Variants in MAP3K4 observed in about 807,000 individuals in gnomAD.
MAP3K4 encodes mitogen-activated protein kinase kinase kinase 4, also known as MAP three kinase 1.
In MAP3K4, 67 loss-of-function variants were observed where a neutral mutation model predicts 185.6. The observed-to-expected ratio is 0.36, with a 90% CI of 0.30 to 0.44. MAP3K4 has a LOEUF of 0.44. Among genes scored for constraint, MAP3K4 ranks in the 20% least tolerant of loss-of-function variants. MAP3K4 has a pLI of 1.00. For missense variants in MAP3K4, 1,551 were observed against 1,995.1 expected (o/e 0.78, Z 4.24); for synonymous variants, 702 against 710.4 (o/e 0.99, Z 0.19).
Position 161,054,445 on chromosome 6 carries a change from G to A in MAP3K4, c.1707+4466G>A, listed in dbSNP as rs912728797. Among the ~76,000 whole-genome samples, 4 of 152,138 alleles carry A rather than the reference G, an allele frequency of 2.6e-5. No individual in the cohort carries two copies. Among genetic ancestry groups the A allele is most frequent in the South Asian group, 2.1e-4 (1 of 4,828 alleles). On this transcript the variant is annotated intron_variant, in intron 3 of 26. Coordinates refer to ENST00000392142, the MANE Select transcript of MAP3K4 (RefSeq NM_005922.4). The surrounding 1 kb of genome is among the most constrained non-coding windows in gnomAD (Gnocchi z 4.2). ...GCTGGGATGATAGGTGTGAGCCACC[G>A]CGCCCGGCCCAAACTAATTTTTCTC...
rs546307308 is a variant in MAP3K4 at position 161,067,803 on chromosome 6, G to A, written c.1708-2805G>A. 2.9e-4 allele frequency among the ~76,000 whole-genome samples: 44 copies of A among 152,226 alleles called. No individual in the cohort carries two copies. The highest frequency in any genetic ancestry group is 4.7e-4 in the Non-Finnish European group (32 of 68,020). On this transcript the variant is annotated intron_variant, in intron 3 of 26. Transcript: ENST00000392142. The surrounding 1 kb of genome is among the most constrained non-coding windows in gnomAD (Gnocchi z 6.3). The stretch of plus-strand genomic sequence containing the variant: ...TATACTAAGAAGAAGGCATATCCTC[G>A]TTTCTGTCATTAAGTGTATCTCAGT...
intron 1 of MAP3K4, among the ~76,000 whole-genome samples, chr6:161,011,071 G>A (rs543669693): frequency 4.0e-4 from 61 of 152,294 alleles, no homozygotes; most frequent in African/African-American, 1.4e-3. Context: ...AGAAAGAAGG[G>A]TGGGAAGGAG....
intron 3 of MAP3K4, among the ~76,000 whole-genome samples, chr6:161,066,734 C>T (rs1034180849): frequency 2.6e-5 from 4 of 152,162 alleles, no homozygotes; most frequent in African/African-American, 9.7e-5. Flanking sequence ...CATGTATTGA[C>T]ATACCAAGCT....
rs1173714146 is a variant in MAP3K4, at chr6:161,071,309, G to T, written c.1950+459G>T. ...GATTTCTTCGTTGTTGTTCATTCTG[G>T]GTGGGATCTTACGGATGTTTGATAT... On this transcript the variant is annotated intron_variant, in intron 4 of 26. Coordinates refer to ENST00000392142, the MANE Select transcript of MAP3K4 (RefSeq NM_005922.4). This position sits in a 1 kb window ranked among gnomAD's most constrained non-coding sequence, Gnocchi z 4.6. 6.6e-6 allele frequency among the ~76,000 whole-genome samples: 1 copy of T among 152,140 alleles called. No homozygotes were observed. The highest frequency in any genetic ancestry group is 1.5e-5 in the Non-Finnish European group (1 of 68,018).
At chr6:161,050,524 C>T (rs779804848) in intron 3 of MAP3K4, among the ~76,000 whole-genome samples, 1 of 152,086 alleles carries the variant, frequency 6.6e-6, no homozygotes, top group Non-Finnish European at 1.5e-5. Flanking sequence ...TTAAAGTGTT[C>T]GGTGCAGGTG....
In MAP3K4 at chr6:161,096,567, A is replaced by T. The variant is rs892897289; in HGVS notation, c.3428-513A>T. On this transcript the variant is annotated intron_variant, in intron 15 of 26. Coordinates refer to ENST00000392142, the MANE Select transcript of MAP3K4 (RefSeq NM_005922.4). This position sits in a 1 kb window ranked among gnomAD's most constrained non-coding sequence, Gnocchi z 4.9. ...TATTTACCTATTACCAGAATAAAAG[A>T]AAAAGAGAAGAAAACATGCTCTTGA... The T allele has an allele frequency of 1.3e-5, 2 of 152,214 alleles. No individual in the cohort carries two copies. Among genetic ancestry groups the T allele is most frequent in the Non-Finnish European group, 2.9e-5 (2 of 68,042 alleles). The allele number at this position is 152,214 out of a possible 1,614,324, so 9.4% of individuals were successfully genotyped here. A position where few individuals can be genotyped will look rare whatever the true frequency, so the allele number is the denominator to read the frequency against.
intron 1 of MAP3K4, among the ~76,000 whole-genome samples, chr6:161,026,733 CTT>C (rs553664182): frequency 1.4e-4 from 13 of 96,094 alleles, no homozygotes; most frequent in South Asian, 3.3e-4. Flanking sequence ...GTTCTCTCTC[CTT>C]TTTTTTTTTT....
Position 161,034,129 on chromosome 6 carries a change from G to A in MAP3K4, c.153-130G>A. 1 of 622,834 alleles carries A rather than the reference G, an allele frequency of 1.6e-6. No homozygotes were observed. The highest frequency in any genetic ancestry group is 2.6e-6 in the Non-Finnish European group (1 of 383,496). 38.6% of individuals were successfully genotyped at this position (622,834 alleles called of 1,614,324 possible). A position where few individuals can be genotyped will look rare whatever the true frequency, so the allele number is the denominator to read the frequency against. On this transcript the variant is annotated intron_variant, in intron 1 of 26. Transcript: ENST00000392142. The surrounding 1 kb of genome is among the most constrained non-coding windows in gnomAD (Gnocchi z 4.4). ...TTTGAGTTTTCACAGGTAAAAATGA[G>A]GAGGAGCACAGTGCTGAAGAGATTT...
rs565598482 is a variant in MAP3K4 at position 161,087,718 on chromosome 6, A to G, written c.2587A>G (p.Met863Val). The change falls in exon 10 of 27, where the codon ATG (methionine) becomes GTG (valine). Residue 863 changes from methionine to valine, a missense_variant. Around this residue, in one of 16 missense-constraint regions of MAP3K4, gnomAD observed 261 missense variants for 306.5 expected, o/e 0.85. Transcript: ENST00000392142. This position sits in a 1 kb window ranked among gnomAD's most constrained non-coding sequence, Gnocchi z 4.9. Reference protein sequence around the residue: ...VQIPGLENLQMFVPDTLAEEK... With the variant: ...VQIPGLENLQVFVPDTLAEEK... ...AATTCCTGGGTTAGAAAACTTGCAA[A>G]TGTTTGTTCCAGACACTCTTGCTGA... 1 of 1,614,138 alleles carries G rather than the reference A, an allele frequency of 6.2e-7. No individual in the cohort carries two copies. The highest frequency in any genetic ancestry group is 2.2e-5 in the East Asian group (1 of 44,890).
At chr6:161,092,852 A>G (rs1349209019) in intron 13 of MAP3K4, 126 bp from the exon 14 acceptor site, 4 of 526,364 alleles carry the variant, frequency 7.6e-6, no homozygotes, top group Non-Finnish European at 1.4e-5. Flanking sequence ...ACTGAACCCA[A>G]GCAAAAAAAA....
intron 17 of MAP3K4, among the ~76,000 whole-genome samples, chr6:161,099,274 A>G (rs1469835898): frequency 1.3e-5 from 2 of 152,248 alleles, no homozygotes; most frequent in Non-Finnish European, 2.9e-5. Context: ...AAAATAGTAG[A>G]GTTAACAGGA....
In MAP3K4 at chr6:161,097,143, C is replaced by T; in HGVS notation, c.3491C>T (p.Pro1164Leu). Residue 1164 changes from proline to leucine, a missense_variant, in exon 16 of 27, where the codon CCA becomes CTA. Transcript: ENST00000392142. The surrounding 1 kb of genome is among the most constrained non-coding windows in gnomAD (Gnocchi z 4.9). ...VPRCHSDPPN[P>L]HLIIPTPEGF... ...CGATGCCATAGTGACCCTCCTAACC[C>T]ACACCTCATTATCCCCACTCCAGAG... 6.2e-7 allele frequency: 1 copy of T among 1,614,152 alleles called. No individual in the cohort carries two copies. Among genetic ancestry groups the T allele is most frequent in the Non-Finnish European group, 8.5e-7 (1 of 1,180,010 alleles).
chr6:161,115,100 T>C lies in MAP3K4; in HGVS notation c.4627-23T>C, dbSNP rs763034947. On this transcript the variant is annotated intron_variant, in intron 25 of 26. Coordinates refer to ENST00000392142, the MANE Select transcript of MAP3K4 (RefSeq NM_005922.4). The surrounding 1 kb of genome is among the most constrained non-coding windows in gnomAD (Gnocchi z 6.0). ...GTGGCTGTGTAATATTAAAATCTGA[T>C]TTTTTAAAAACATCTTTTTTAGAGG... The C allele has an allele frequency of 1.5e-5, 24 of 1,589,940 alleles. No individual in the cohort carries two copies. The highest frequency in any genetic ancestry group is 1.8e-5 in the Admixed American group (1 of 56,882).
chr6:161,048,263 C>T lies in MAP3K4; in HGVS notation c.344-353C>T, dbSNP rs1783829124. On this transcript the variant is annotated intron_variant, in intron 2 of 26. Transcript: ENST00000392142. This position sits in a 1 kb window ranked among gnomAD's most constrained non-coding sequence, Gnocchi z 4.7. ...TCATCCAGGTGTCCGTCAGATCTCCCATGCTGTTTCTTCCTCCTTAAATTG... is the reference window on the plus strand; with the variant it reads ...TCATCCAGGTGTCCGTCAGATCTCCTATGCTGTTTCTTCCTCCTTAAATTG... 1 of 547,136 alleles carries T rather than the reference C, an allele frequency of 1.8e-6. No individual in the cohort carries two copies. Among genetic ancestry groups the T allele is most frequent in the Admixed American group, 1.9e-5 (1 of 51,832 alleles). The allele number at this position is 547,136 out of a possible 1,614,324, so 33.9% of individuals were successfully genotyped here.
chr6:160,995,807 A>G (rs1780960407), intron 1 of MAP3K4, among the ~76,000 whole-genome samples: 1 of 152,218 alleles, frequency 6.6e-6, no homozygotes, highest in African/African-American at 2.4e-5. Flanking sequence ...TTGGATCTGT[A>G]CACCTAAAAC....
At position 161,073,635 on chromosome 6, in the gene MAP3K4, TTTTC is replaced by T. The variant is rs756789748; in HGVS notation, c.2097+35_2097+38del. 1.0e-5 allele frequency: 16 copies of T among 1,587,418 alleles called. No homozygotes were observed. The highest frequency in any genetic ancestry group is 2.3e-5 in the South Asian group (2 of 86,968). ...ATGGTCAGAAGCAGTGGGGAGGAAT[TTTTC>T]TTTCTTTCTTTGTTTCTTTTTTTAA... On this transcript the variant is annotated intron_variant, in intron 5 of 26. Coordinates refer to ENST00000392142, the MANE Select transcript of MAP3K4 (RefSeq NM_005922.4). The surrounding 1 kb of genome is among the most constrained non-coding windows in gnomAD (Gnocchi z 4.2).
chr6:161,080,357 C>T lies in MAP3K4; in HGVS notation c.2098-524C>T, dbSNP rs1274547416. Reference sequence around the variant, plus strand: ...GGTGGGCATAAATCCCACTTCAGAACAACTGGATATTTTGGTTTTAGATCA... The same window carrying T: ...GGTGGGCATAAATCCCACTTCAGAATAACTGGATATTTTGGTTTTAGATCA... On this transcript the variant is annotated intron_variant, in intron 5 of 26. Coordinates refer to ENST00000392142, the MANE Select transcript of MAP3K4 (RefSeq NM_005922.4). This position sits in a 1 kb window ranked among gnomAD's most constrained non-coding sequence, Gnocchi z 4.8. 6.6e-6 allele frequency among the ~76,000 whole-genome samples: 1 copy of T among 152,132 alleles called. No individual in the cohort carries two copies. The highest frequency in any genetic ancestry group is 1.9e-4 in the East Asian group (1 of 5,192).
chr6:161,040,005 G>A (rs1328445163), intron 2 of MAP3K4, among the ~76,000 whole-genome samples: 2 of 152,126 alleles, frequency 1.3e-5, no homozygotes, highest in Non-Finnish European at 2.9e-5. Context: ...TAGATACCTA[G>A]TGGTGGAATT....
At position 161,108,907 on chromosome 6, in the gene MAP3K4, A is replaced by G; in HGVS notation, c.4236+48A>G. 6.3e-7 allele frequency: 1 copy of G among 1,594,502 alleles called. No homozygotes were observed. Among genetic ancestry groups the G allele is most frequent in the Non-Finnish European group, 8.6e-7 (1 of 1,162,194 alleles). On this transcript the variant is annotated intron_variant, in intron 22 of 26. Coordinates refer to ENST00000392142, the MANE Select transcript of MAP3K4 (RefSeq NM_005922.4). This position sits in a 1 kb window ranked among gnomAD's most constrained non-coding sequence, Gnocchi z 5.7. ...CTTTGTGTGAGGAATCAGTGAGGGC[A>G]CAGAATGGAGTCCTGTTCTACATCA... is the stretch of plus-strand genomic sequence containing the variant.
Sources: allele counts gnomAD v4.1 joint callset (sites outside exome capture counted in the v4.1 genomes callset), GRCh38; gene constraint gnomAD v4.1.1; regional missense constraint gnomAD v4.1.1; non-coding constraint Gnocchi (gnomAD v3.1); transcripts MANE v1.5; gene names NCBI Gene and HGNC (gene_info 2026-07-23, HGNC 2026-07-21).